Variants in MCC observed in about 807,000 individuals in gnomAD.
MCC encodes the protein colorectal mutant cancer protein.
MCC carries 90 observed loss-of-function variants against 116.2 expected under a neutral mutation model. The observed-to-expected ratio is 0.77, with a 90% confidence interval of 0.65 to 0.92. The LOEUF (loss-of-function observed/expected upper bound fraction) is 0.92. MCC is among the 40% of genes least tolerant of loss of function. The pLI is 0.00. For missense variants in MCC, 1,516 were observed against 1,312.2 expected, an observed-to-expected ratio of 1.16 and a Z score of -2.40; for synonymous variants, 578 against 510.5, an observed-to-expected ratio of 1.13 and a Z score of -1.78.
chr5:113,412,519 T>C (rs1316541414), intron 1 of MCC, among the ~76,000 whole-genome samples: 1 of 152,204 alleles, frequency 6.6e-6, no homozygotes, highest in Non-Finnish European at 1.5e-5. Flanking sequence ...AGGTATTTTA[T>C]TCCCTTTGTA....
chr5:113,440,871 C>T (rs1268252658), intron 1 of MCC, among the ~76,000 whole-genome samples: 2 of 152,134 alleles, frequency 1.3e-5, no homozygotes, highest in South Asian at 2.1e-4. Flanking sequence ...GAAAGATCCA[C>T]CTGACTTTTT....
At position 113,160,912 on chromosome 5, in the gene MCC, C is replaced by G. The variant is rs184854481; in HGVS notation, c.628-9490G>C. Among the ~76,000 whole-genome samples the G allele has an allele frequency of 1.2e-3, 183 of 152,240 alleles. 1 individual carries two copies. Among genetic ancestry groups the G allele is most frequent in the African/African-American group, 4.1e-3 (169 of 41,546 alleles). Reference sequence around the variant, plus strand: ...TATAGGTAAAACAAGCCCTTACAAACACCTAACTTTGCTGCTTAAAGACTA... The same window carrying G: ...TATAGGTAAAACAAGCCCTTACAAAGACCTAACTTTGCTGCTTAAAGACTA... On this transcript the variant is annotated intron_variant, in intron 3 of 18. Coordinates refer to ENST00000408903, the MANE Select transcript of MCC (RefSeq NM_001085377.2).
At chr5:113,050,284 C>T (rs1052175571) in intron 15 of MCC, among the ~76,000 whole-genome samples, 1 of 152,162 alleles carries the variant, frequency 6.6e-6, no homozygotes, top group Non-Finnish European at 1.5e-5. Flanking sequence ...CTCTTGTCCC[C>T]GCACTTCTGC....
chr5:113,363,874 A>G (rs928008415), intron 2 of MCC, among the ~76,000 whole-genome samples: 2 of 152,332 alleles, frequency 1.3e-5, no homozygotes, highest in East Asian at 3.9e-4. Context: ...AGTTACATCC[A>G]AGATACAATG....
At chr5:113,326,059 T>C (rs1767542956) in intron 3 of MCC, among the ~76,000 whole-genome samples, 1 of 152,204 alleles carries the variant, frequency 6.6e-6, no homozygotes, top group African/African-American at 2.4e-5. Context: ...ATTAGATGTT[T>C]TGTCTAGATT....
intron 1 of MCC, among the ~76,000 whole-genome samples, chr5:113,468,078 T>G (rs1338684012): frequency 6.6e-6 from 1 of 152,226 alleles, no homozygotes; most frequent in African/African-American, 2.4e-5. Context: ...GAGGAGATTT[T>G]GGGCTGAGAC....
chr5:113,206,087 T>C (rs1460122477), intron 3 of MCC, among the ~76,000 whole-genome samples: 1 of 152,204 alleles, frequency 6.6e-6, no homozygotes, highest in Non-Finnish European at 1.5e-5. Context: ...GCTCCAAGAC[T>C]GAAGTTCAGA....
intron 3 of MCC, among the ~76,000 whole-genome samples, chr5:113,239,271 G>A (rs1419039315): frequency 6.6e-6 from 1 of 152,118 alleles, no homozygotes; most frequent in Non-Finnish European, 1.5e-5. Context: ...TGTTTCAGTG[G>A]GGACGGCCCC....
chr5:113,100,906 T>A (rs12108764), intron 8 of MCC, among the ~76,000 whole-genome samples: 151,430 of 152,340 alleles, frequency 0.99, 75,275 homozygotes, highest in Non-Finnish European at 1. Flanking sequence ...AGTGAAGTTC[T>A]GAGGGAAGTG....
At chr5:113,118,831 G>C (rs1014429823) in intron 6 of MCC, among the ~76,000 whole-genome samples, 1 of 152,226 alleles carries the variant, frequency 6.6e-6, no homozygotes, top group Non-Finnish European at 1.5e-5. Flanking sequence ...TGTGTGAGCA[G>C]CTTTAATGAA....
intron 3 of MCC, among the ~76,000 whole-genome samples, chr5:113,204,875 T>C (rs1020252239): frequency 2.0e-5 from 3 of 152,196 alleles, no homozygotes; most frequent in Non-Finnish European, 4.4e-5. Context: ...TTTATATCCA[T>C]CCACTGATCA....
rs764901797 is a variant in MCC, at chr5:113,488,280, C to T, written c.135G>A (p.Gln45=). ...ATCCGTCCCCGTCGCCGTCGCACGT[C>T]TGGAAGAGGCGCCGCATCCTCTCCT... is the stretch of plus-strand genomic sequence containing the variant. ...GEEERMRRLF[Q]TCDGDGDGYI... is the part of the protein sequence containing the mutation. The change falls in exon 1 of 19, where the codon CAG becomes CAA. Residue 45 remains glutamine (Q), a synonymous_variant. Coordinates refer to ENST00000408903, the MANE Select transcript of MCC (RefSeq NM_001085377.2). 1.2e-5 allele frequency: 19 copies of T among 1,595,516 alleles called. No homozygotes were observed. The highest frequency in any genetic ancestry group is 1.6e-5 in the Non-Finnish European group (19 of 1,172,014).
intron 6 of MCC, among the ~76,000 whole-genome samples, chr5:113,113,881 C>G (rs761527793): frequency 6.6e-6 from 1 of 151,892 alleles, no homozygotes; most frequent in Non-Finnish European, 1.5e-5. Flanking sequence ...GGATCTGGGA[C>G]TAAACAAAAG....
At chr5:113,402,301 A>AAG (rs1171383006) in intron 1 of MCC, among the ~76,000 whole-genome samples, 2 of 143,622 alleles carry the variant, frequency 1.4e-5, no homozygotes, top group Non-Finnish European at 3.1e-5. Flanking sequence ...CTCAAAAAAA[A>AAG]AAAAAAAAAA....
At chr5:113,412,770 T>G (rs1190059339) in intron 1 of MCC, among the ~76,000 whole-genome samples, 1 of 152,214 alleles carries the variant, frequency 6.6e-6, no homozygotes, top group Non-Finnish European at 1.5e-5. Flanking sequence ...TATTTCTTTC[T>G]CTTGCCTGAC....
At chr5:113,333,393 A>C (rs933579977) in intron 3 of MCC, among the ~76,000 whole-genome samples, 5 of 151,746 alleles carry the variant, frequency 3.3e-5, no homozygotes, top group African/African-American at 1.2e-4. Context: ...TAAAGTAAAA[A>C]GGCTGCTTGG....
chr5:113,412,449 G>C (rs4324667), intron 1 of MCC, among the ~76,000 whole-genome samples: 81,284 of 152,000 alleles, frequency 0.53, 25,381 homozygotes, highest in African/African-American at 0.87. Context: ...TTATTTCGTT[G>C]AGCATGGTTT....
intron 14 of MCC, among the ~76,000 whole-genome samples, chr5:113,057,723 C>T (rs4705762): frequency 0.45 from 69,100 of 152,120 alleles, 16,679 homozygotes; most frequent in East Asian, 0.61. Flanking sequence ...AGGCATGCCT[C>T]GTACAAAACC....
At chr5:113,061,041 A>G (rs576852253) in intron 14 of MCC, among the ~76,000 whole-genome samples, 9 of 152,298 alleles carry the variant, frequency 5.9e-5, no homozygotes, top group East Asian at 1.9e-4. Flanking sequence ...TTCTGCCCCA[A>G]TGAAACTTTA....
Sources: allele counts gnomAD v4.1 joint callset (sites outside exome capture counted in the v4.1 genomes callset), GRCh38; gene constraint gnomAD v4.1.1; transcripts MANE v1.5; gene names NCBI Gene and HGNC (gene_info 2026-07-23, HGNC 2026-07-21).